Variants in SKAP2 observed in about 807,000 individuals in gnomAD.
SKAP2 encodes src kinase associated phosphoprotein 2.
In SKAP2, 28 loss-of-function variants were observed where a neutral mutation model predicts 54.9. The ratio of observed to expected loss-of-function variants is 0.51; its 90% CI spans 0.38 to 0.70. The LOEUF (loss-of-function observed/expected upper bound fraction) is 0.70, where lower values mean the gene tolerates loss of function less well. Among genes scored for constraint, SKAP2 ranks in the 30% least tolerant of loss-of-function variants. SKAP2 has a pLI of 0.00. For synonymous variants in SKAP2, 137 were observed against 134.3 expected, an observed-to-expected ratio of 1.02 and a Z score of -0.14; for missense variants, 356 against 424.1, an observed-to-expected ratio of 0.84 and a Z score of 1.41.
At chr7:26,829,344 G>A (rs902559177) in intron 4 of SKAP2, among the ~76,000 whole-genome samples, 2 of 152,078 alleles carry the variant, frequency 1.3e-5, no homozygotes, top group Non-Finnish European at 2.9e-5. Context: ...ACTAGCCTGG[G>A]CAACAAAAGT....
At chr7:26,727,463 T>C (rs1787732971) in intron 6 of SKAP2, among the ~76,000 whole-genome samples, 1 of 151,974 alleles carries the variant, frequency 6.6e-6, no homozygotes, top group African/African-American at 2.4e-5. Flanking sequence ...AAGTTTTCTT[T>C]AAAAAAGGTC....
chr7:26,784,511 T>C (rs1392839778), intron 4 of SKAP2, among the ~76,000 whole-genome samples: 7 of 152,240 alleles, frequency 4.6e-5, no homozygotes, highest in Non-Finnish European at 7.3e-5. Flanking sequence ...ACTCTCCATG[T>C]TGCTGTCTGT....
chr7:26,824,718 T>G (rs1784451956), intron 4 of SKAP2, among the ~76,000 whole-genome samples: 1 of 152,198 alleles, frequency 6.6e-6, no homozygotes, highest in South Asian at 2.1e-4. Flanking sequence ...CTGCTGCTGT[T>G]GTAGCATGAA....
chr7:26,847,352 AT>A (rs535993751), intron 3 of SKAP2, among the ~76,000 whole-genome samples: 3 of 150,642 alleles, frequency 2.0e-5, no homozygotes, highest in Non-Finnish European at 3.0e-5. Flanking sequence ...CTCCCCCCTA[AT>A]TTTTTTTTCG....
chr7:26,660,551 T>C, the SKAP2 span, among the ~76,000 whole-genome samples: 1 of 152,074 alleles, frequency 6.6e-6, no homozygotes, highest in Non-Finnish European at 1.5e-5. Context: ...GATGGTATAC[T>C]TATAGCTTGA....
intron 4 of SKAP2, among the ~76,000 whole-genome samples, chr7:26,817,554 T>C (rs749469238): frequency 6.6e-6 from 1 of 152,170 alleles, no homozygotes; most frequent in Non-Finnish European, 1.5e-5. Context: ...GTTGATACAA[T>C]TGCAGACAAC....
chr7:26,830,522 T>C (rs1784575999), intron 4 of SKAP2, among the ~76,000 whole-genome samples: 1 of 152,188 alleles, frequency 6.6e-6, no homozygotes, highest in Non-Finnish European at 1.5e-5. Flanking sequence ...AATAAATGCA[T>C]GTCTTCTCAA....
At chr7:26,825,855 C>A (rs1046057667) in intron 4 of SKAP2, among the ~76,000 whole-genome samples, 33 of 152,136 alleles carry the variant, frequency 2.2e-4, no homozygotes, top group African/African-American at 8.0e-4. Flanking sequence ...ATATCTATAA[C>A]TATTATCTAT....
intron 4 of SKAP2, among the ~76,000 whole-genome samples, chr7:26,841,039 G>A (rs1784806715): frequency 6.6e-6 from 1 of 151,926 alleles, no homozygotes; most frequent in African/African-American, 2.4e-5. Context: ...TAATCAATAA[G>A]GTACTTTTTT....
intron 4 of SKAP2, among the ~76,000 whole-genome samples, chr7:26,770,831 G>T (rs1783174146): frequency 6.6e-6 from 1 of 152,136 alleles, no homozygotes; most frequent in African/African-American, 2.4e-5. Context: ...ACTTCAGTTG[G>T]AAATGCAGTA....
At chr7:26,792,804 G>T (rs886124026) in intron 4 of SKAP2, among the ~76,000 whole-genome samples, 4 of 152,086 alleles carry the variant, frequency 2.6e-5, no homozygotes, top group African/African-American at 9.7e-5. Flanking sequence ...AAGGAGGATG[G>T]TCCATTTAAC....
intron 4 of SKAP2, among the ~76,000 whole-genome samples, chr7:26,796,050 C>T (rs1783771108): frequency 6.6e-6 from 1 of 152,106 alleles, no homozygotes; most frequent in African/African-American, 2.4e-5. Flanking sequence ...GTCATTAATG[C>T]ATAAAATATA....
intron 1 of SKAP2, among the ~76,000 whole-genome samples, chr7:26,856,946 G>C (rs542950298): frequency 6.7e-6 from 1 of 149,974 alleles, no homozygotes; most frequent in African/African-American, 2.4e-5. Flanking sequence ...TTCTTTAAAA[G>C]GTCATTTCAG....
At chr7:26,684,228 G>A (rs978953435) in intron 11 of SKAP2, among the ~76,000 whole-genome samples, 2 of 152,028 alleles carry the variant, frequency 1.3e-5, no homozygotes, top group African/African-American at 4.8e-5. Context: ...AATATAGTAT[G>A]CTAAACAACT....
At chr7:26,763,937 T>G (rs1782987292) in intron 4 of SKAP2, among the ~76,000 whole-genome samples, 1 of 152,150 alleles carries the variant, frequency 6.6e-6, no homozygotes, top group Non-Finnish European at 1.5e-5. Context: ...ATTATAAACT[T>G]ATAAGACCAT....
At chr7:26,716,452 G>A (rs1302402283) in intron 9 of SKAP2, among the ~76,000 whole-genome samples, 1 of 152,082 alleles carries the variant, frequency 6.6e-6, no homozygotes, top group Non-Finnish European at 1.5e-5. Context: ...AATGCATGGT[G>A]TATTTATTTC....
chr7:26,844,399 C>T (rs926581140), intron 3 of SKAP2, among the ~76,000 whole-genome samples: 1 of 151,760 alleles, frequency 6.6e-6, no homozygotes, highest in South Asian at 2.1e-4. Flanking sequence ...AGGATATAGT[C>T]CAAAATTATG....
chr7:26,671,804 A>G (rs1259740982), intron 11 of SKAP2, among the ~76,000 whole-genome samples: 1 of 152,064 alleles, frequency 6.6e-6, no homozygotes, highest in African/African-American at 2.4e-5. Flanking sequence ...TGTAGGACAT[A>G]TTTATCAGAA....
chr7:26,671,980 T>C (rs1350766906), intron 11 of SKAP2, among the ~76,000 whole-genome samples: 2 of 151,976 alleles, frequency 1.3e-5, no homozygotes, highest in Non-Finnish European at 2.9e-5. Flanking sequence ...GATTTCAAAG[T>C]GGATAATTAA....
Sources: gnomAD v4.1 joint callset for allele counts (sites outside exome capture counted in the v4.1 genomes callset) on GRCh38, gnomAD v4.1.1 for gene constraint, MANE v1.5 for transcripts, NCBI Gene and HGNC (gene_info 2026-07-23, HGNC 2026-07-21) for gene names.